Variants in CACNA1C observed in about 807,000 individuals in gnomAD.
CACNA1C encodes the protein calcium voltage-gated channel subunit alpha1 C, also known as voltage-dependent L-type calcium channel subunit alpha-1C.
A neutral mutation model predicts 229.0 loss-of-function variants in CACNA1C; 30 were observed. The observed-to-expected ratio is 0.13, with a 90% CI of 0.10 to 0.18. The LOEUF (loss-of-function observed/expected upper bound fraction) is 0.18. Ranked by LOEUF, CACNA1C falls within the 10% of genes least tolerant of loss-of-function variation. CACNA1C has a pLI of 1.00. For missense variants in CACNA1C, 1,658 were observed against 2,845.0 expected, an observed-to-expected ratio of 0.58 and a Z score of 9.49; for synonymous variants, 1,114 against 1,132.5, an observed-to-expected ratio of 0.98 and a Z score of 0.33.
rs983931515 is a variant in CACNA1C, at chr12:2,653,524, G to A, written c.4075-311G>A. Reference sequence around the variant, plus strand: ...TGTCCTCCACGATTTCTCCTGCCTCGTACAGACACACCGCACATGTGTAGT... The same window carrying A: ...TGTCCTCCACGATTTCTCCTGCCTCATACAGACACACCGCACATGTGTAGT... On this transcript the variant is annotated intron_variant, in intron 32 of 46. Coordinates refer to ENST00000399655, the MANE Select transcript of CACNA1C (RefSeq NM_000719.7). The surrounding 1 kb of genome is among the most constrained non-coding windows in gnomAD (Gnocchi z 4.7). Among the ~76,000 whole-genome samples, 2 of 152,118 alleles carry A rather than the reference G, an allele frequency of 1.3e-5. No individual in the cohort carries two copies. The highest frequency in any genetic ancestry group is 4.8e-5 in the African/African-American group (2 of 41,406).
intron 3 of CACNA1C, among the ~76,000 whole-genome samples, chr12:2,316,620 A>G (rs1378387686): frequency 6.6e-6 from 1 of 152,238 alleles, no homozygotes; most frequent in Non-Finnish European, 1.5e-5. Flanking sequence ...AATAGCATGT[A>G]TATGGTCACT....
Position 2,601,686 on chromosome 12 carries a change from G to A in CACNA1C, c.2854-168G>A, listed in dbSNP as rs1209630712. 1.3e-5 allele frequency among the ~76,000 whole-genome samples: 2 copies of A among 152,234 alleles called. No homozygotes were observed. Among genetic ancestry groups the A allele is most frequent in the African/African-American group, 2.4e-5 (1 of 41,462 alleles). On this transcript the variant is annotated intron_variant, in intron 21 of 46. Coordinates refer to ENST00000399655, the MANE Select transcript of CACNA1C (RefSeq NM_000719.7). The surrounding 1 kb of genome is among the most constrained non-coding windows in gnomAD (Gnocchi z 5.9). Reference sequence around the variant, plus strand: ...GTCTTGGGTGGTTGTGTGCATGGTAGCAGAACTCTTTTCTTGGCACCATAG... The same window carrying A: ...GTCTTGGGTGGTTGTGTGCATGGTAACAGAACTCTTTTCTTGGCACCATAG...
chr12:2,465,739 G>A (rs1488571970), intron 5 of CACNA1C, among the ~76,000 whole-genome samples: 1 of 152,086 alleles, frequency 6.6e-6, no homozygotes, highest in Non-Finnish European at 1.5e-5. Flanking sequence ...ACAAAAGAAG[G>A]TCAGAACTGA....
chr12:2,617,524 G>A lies in CACNA1C; in HGVS notation c.3828+5511G>A, dbSNP rs185870626. Among the ~76,000 whole-genome samples the A allele has an allele frequency of 7.9e-5, 12 of 152,362 alleles. No homozygotes were observed. The East Asian group carries it at 1.5e-3, about 20-fold the overall frequency. ...GGACTTTCCACACTCAGGGGCAGCC[G>A]TCCTCGTATCCAGTGTGCCCATGTG... On this transcript the variant is annotated intron_variant, in intron 29 of 46. Coordinates refer to ENST00000399655, the MANE Select transcript of CACNA1C (RefSeq NM_000719.7).
At position 2,696,334 on chromosome 12, in the gene CACNA1C, A is replaced by G. The variant is rs891289514; in HGVS notation, c.*5135A>G. ...CGTCTCTACTAAGAATGAGGAAGAAAAGACTAAGACTAGGTAATTACACAG... is the reference window on the plus strand; with the variant it reads ...CGTCTCTACTAAGAATGAGGAAGAAGAGACTAAGACTAGGTAATTACACAG... On this transcript the variant is annotated 3_prime_UTR_variant, in exon 47 of 47. Coordinates refer to ENST00000399655, the MANE Select transcript of CACNA1C (RefSeq NM_000719.7). 20 of 152,158 alleles carry G rather than the reference A, an allele frequency of 1.3e-4. No individual in the cohort carries two copies. Among genetic ancestry groups the G allele is most frequent in the African/African-American group, 4.8e-4 (20 of 41,426 alleles). The allele number at this position is 152,158 out of a possible 1,614,324, so 9.4% of individuals were successfully genotyped here. A position where few individuals can be genotyped will look rare whatever the true frequency, so the allele number is the denominator to read the frequency against.
intron 3 of CACNA1C, among the ~76,000 whole-genome samples, chr12:2,253,642 C>T (rs766113516): frequency 9.2e-5 from 14 of 152,214 alleles, no homozygotes; most frequent in Non-Finnish European, 1.5e-4. Context: ...ATACCTTCCT[C>T]GCAGGAGGGT....
chr12:2,690,893 C>T lies in CACNA1C; in HGVS notation c.6118-7C>T. ...GGTTCTTCATGGCTCCCACCCCGCT[C>T]CTTCAGGTCTTGATTTCAGAAGGAC... is the stretch of plus-strand genomic sequence containing the variant. On this transcript the variant is annotated splice_polypyrimidine_tract_variant and splice_region_variant and intron_variant, in intron 46 of 46. Transcript: ENST00000399655. 6.4e-7 allele frequency: 1 copy of T among 1,556,086 alleles called. No homozygotes were observed. The highest frequency in any genetic ancestry group is 8.7e-7 in the Non-Finnish European group (1 of 1,146,022).
chr12:2,382,401 A>G (rs1467902480), intron 3 of CACNA1C, among the ~76,000 whole-genome samples: 1 of 152,248 alleles, frequency 6.6e-6, no homozygotes, highest in Non-Finnish European at 1.5e-5. Context: ...TTTGATATCT[A>G]TATTTCAACA....
At chr12:2,262,016 G>A (rs1022733218) in intron 3 of CACNA1C, among the ~76,000 whole-genome samples, 1 of 152,260 alleles carries the variant, frequency 6.6e-6, no homozygotes, top group East Asian at 1.9e-4. Flanking sequence ...GGCAGTGCCA[G>A]GGCCAGGACC....
chr12:2,687,766 C>T (rs978967177), intron 45 of CACNA1C, among the ~76,000 whole-genome samples: 3 of 152,094 alleles, frequency 2.0e-5, no homozygotes, highest in Non-Finnish European at 2.9e-5. Context: ...CTTGAACTCC[C>T]GACCTCAGGT....
At chr12:2,212,211 T>G (rs1385306622) in intron 3 of CACNA1C, among the ~76,000 whole-genome samples, 4 of 152,236 alleles carry the variant, frequency 2.6e-5, no homozygotes, top group African/African-American at 9.6e-5. Context: ...AATGTGTGTT[T>G]CTTGCACTGA....
At chr12:2,183,427 T>A (rs2096900870) in intron 3 of CACNA1C, among the ~76,000 whole-genome samples, 1 of 152,190 alleles carries the variant, frequency 6.6e-6, no homozygotes. Context: ...TTGGGCTGCC[T>A]TCTCTAGAGA....
At position 2,679,077 on chromosome 12, in the gene CACNA1C, G is replaced by A. The variant is rs2096979285; in HGVS notation, c.5092-367G>A. 6.6e-6 allele frequency among the ~76,000 whole-genome samples: 1 copy of A among 152,152 alleles called. No homozygotes were observed. Among genetic ancestry groups the A allele is most frequent in the African/African-American group, 2.4e-5 (1 of 41,442 alleles). On this transcript the variant is annotated intron_variant, in intron 41 of 46. Transcript: ENST00000399655. The surrounding 1 kb of genome is among the most constrained non-coding windows in gnomAD (Gnocchi z 5.5). ...TCACGGTGTGCTGGCTGCTCTTAGG[G>A]ACCACCATCCTAGACGTGCCCTGGA...
intron 5 of CACNA1C, among the ~76,000 whole-genome samples, chr12:2,462,362 C>T (rs1029515107): frequency 2.2e-4 from 33 of 151,350 alleles, no homozygotes; most frequent in African/African-American, 7.9e-4. Flanking sequence ...CTGCACAGGC[C>T]TGCGTACCTC....
rs968197748 is a variant in CACNA1C at position 2,605,848 on chromosome 12, G to T, written c.3156+62G>T. ...CCTCCCATCAGCATTCCTGGGGAAGGGAACTGGCAGATATAGTACAAACGA... is the reference window on the plus strand; with the variant it reads ...CCTCCCATCAGCATTCCTGGGGAAGTGAACTGGCAGATATAGTACAAACGA... On this transcript the variant is annotated intron_variant, in intron 24 of 46. Coordinates refer to ENST00000399655, the MANE Select transcript of CACNA1C (RefSeq NM_000719.7). This position sits in a 1 kb window ranked among gnomAD's most constrained non-coding sequence, Gnocchi z 6.2. 1.8e-6 allele frequency: 2 copies of T among 1,138,218 alleles called. No homozygotes were observed. The highest frequency in any genetic ancestry group is 1.7e-5 in the Admixed American group (1 of 58,496). 70.5% of individuals were successfully genotyped at this position (1,138,218 alleles called of 1,614,324 possible).
At chr12:1,981,952 G>A (rs2036268845) in intron 1 of CACNA1C, among the ~76,000 whole-genome samples, 1 of 152,234 alleles carries the variant, frequency 6.6e-6, no homozygotes, top group Admixed American at 6.5e-5. Context: ...CATTAGGCAA[G>A]CGTGCAAGAG....
At position 2,348,722 on chromosome 12, in the gene CACNA1C, T is replaced by A. The variant is rs73605786; in HGVS notation, c.478-100254T>A. 0.02 allele frequency among the ~76,000 whole-genome samples: 2,972 copies of A among 152,050 alleles called. 109 individuals are homozygous for A. Among genetic ancestry groups the A allele is most frequent in the African/African-American group, 0.068 (2,821 of 41,462 alleles). On this transcript the variant is annotated intron_variant, in intron 3 of 46. Transcript: ENST00000399655. The surrounding 1 kb of genome is among the most constrained non-coding windows in gnomAD (Gnocchi z 4.7). ...GTGTGGGGCGCCCTGGAGAAGGAGC[T>A]GGGAATGTCTCGGGGGAAAGGTTCC...
intron 3 of CACNA1C, among the ~76,000 whole-genome samples, chr12:2,227,247 T>C (rs182400181): frequency 3.9e-4 from 60 of 152,310 alleles, no homozygotes; most frequent in African/African-American, 1.3e-3. Flanking sequence ...TCAGTGTCAA[T>C]TTTCCCCAAG....
Position 2,610,717 on chromosome 12 carries a change from C to G in CACNA1C, c.3717+18C>G. The G allele has an allele frequency of 6.2e-7, 1 of 1,613,724 alleles. No homozygotes were observed. Among genetic ancestry groups the G allele is most frequent in the South Asian group, 1.1e-5 (1 of 91,054 alleles). ...CCATGCAGGTCAGTCCCAGGAGGAG[C>G]ACAGCCATGGTGCTGCAGAAGGGAG... is the stretch of plus-strand genomic sequence containing the variant. On this transcript the variant is annotated intron_variant, in intron 28 of 46. Coordinates refer to ENST00000399655, the MANE Select transcript of CACNA1C (RefSeq NM_000719.7).
Sources: allele counts gnomAD v4.1 joint callset (sites outside exome capture counted in the v4.1 genomes callset), GRCh38; gene constraint gnomAD v4.1.1; non-coding constraint Gnocchi (gnomAD v3.1); transcripts MANE v1.5; gene names NCBI Gene and HGNC (gene_info 2026-07-23, HGNC 2026-07-21).